GPC5: variants seen among roughly 807,000 people sequenced by gnomAD.
GPC5 encodes the protein glypican 5, also known as glypican-5.
A neutral mutation model predicts 53.9 loss-of-function variants in GPC5; 47 were observed. The ratio of observed to expected loss-of-function variants is 0.87; its 90% CI spans 0.69 to 1.11. The LOEUF is 1.11. GPC5 is among the 50% of genes most tolerant of loss of function. GPC5 has a pLI of 0.00. For synonymous variants in GPC5, 286 were observed against 263.3 expected, an observed-to-expected ratio of 1.09 and a Z score of -0.84; for missense variants, 748 against 713.1, an observed-to-expected ratio of 1.05 and a Z score of -0.56.
intron 5 of GPC5, among the ~76,000 whole-genome samples, chr13:91,867,269 C>G (rs2039095593): frequency 6.6e-6 from 1 of 152,140 alleles, no homozygotes; most frequent in Non-Finnish European, 1.5e-5. Flanking sequence ...TAACTGTTGT[C>G]TAATTTCCCT....
At chr13:91,859,844 G>A (rs1046880991) in intron 5 of GPC5, among the ~76,000 whole-genome samples, 1 of 151,208 alleles carries the variant, frequency 6.6e-6, no homozygotes, top group African/African-American at 2.4e-5. Context: ...TCCAATATAA[G>A]AATTTAAAGT....
At chr13:91,558,068 T>C (rs2138885217) in intron 2 of GPC5, among the ~76,000 whole-genome samples, 1 of 152,220 alleles carries the variant, frequency 6.6e-6, no homozygotes, top group East Asian at 1.9e-4. Flanking sequence ...TTTTAGGCCA[T>C]GAACTGGGTG....
rs954928038 is a variant in GPC5 at position 92,008,224 on chromosome 13, G to A, written c.1401+100167G>A. On this transcript the variant is annotated intron_variant, in intron 6 of 7. Coordinates refer to ENST00000377067, the MANE Select transcript of GPC5 (RefSeq NM_004466.6). ...ACTACAGGCGCCCGCTACCACGCCC[G>A]GCTAATTTTTTGTATTTTTAGTAGA... 1.2e-4 allele frequency among the ~76,000 whole-genome samples: 18 copies of A among 151,926 alleles called. No individual in the cohort carries two copies. The East Asian group carries it at 2.3e-3, about 20-fold the overall frequency.
At chr13:91,971,548 T>G (rs1224410318) in intron 6 of GPC5, among the ~76,000 whole-genome samples, 1 of 152,182 alleles carries the variant, frequency 6.6e-6, no homozygotes, top group African/African-American at 2.4e-5. Flanking sequence ...GTTCTTTTAA[T>G]TGTGATGTTA....
chr13:92,768,113 A>G (rs1875474422), intron 7 of GPC5, among the ~76,000 whole-genome samples: 1 of 152,230 alleles, frequency 6.6e-6, no homozygotes. Flanking sequence ...AAATATAAAT[A>G]GTGAAATGCT....
At chr13:92,829,876 G>C (rs561726511) in intron 7 of GPC5, among the ~76,000 whole-genome samples, 125 of 152,196 alleles carry the variant, frequency 8.2e-4, no homozygotes, top group African/African-American at 3.0e-3. Flanking sequence ...TTGCTAAGCA[G>C]TATAAAAGTA....
At chr13:92,681,786 G>A (rs1887118098) in intron 7 of GPC5, among the ~76,000 whole-genome samples, 2 of 152,204 alleles carry the variant, frequency 1.3e-5, no homozygotes, top group South Asian at 4.1e-4. Context: ...TGCTCACAAT[G>A]TTCCTGCCAT....
chr13:92,685,265 G>A (rs1423798318), intron 7 of GPC5, among the ~76,000 whole-genome samples: 1 of 151,810 alleles, frequency 6.6e-6, no homozygotes, highest in African/African-American at 2.4e-5. Context: ...GCTGATTTTT[G>A]TATTTTTTTA....
At chr13:91,680,869 A>G (rs2139730139) in intron 2 of GPC5, among the ~76,000 whole-genome samples, 1 of 152,292 alleles carries the variant, frequency 6.6e-6, no homozygotes, top group Non-Finnish European at 1.5e-5. Context: ...TAAAACAATG[A>G]TATTCTTCAC....
At chr13:92,151,321 C>A (rs1038424493) in intron 7 of GPC5, among the ~76,000 whole-genome samples, 1 of 152,050 alleles carries the variant, frequency 6.6e-6, no homozygotes, top group Non-Finnish European at 1.5e-5. Flanking sequence ...GAGGGTGGAG[C>A]ATTTCTTACC....
At chr13:92,847,577 A>C (rs1256407236) in intron 7 of GPC5, among the ~76,000 whole-genome samples, 1 of 151,450 alleles carries the variant, frequency 6.6e-6, no homozygotes, top group Non-Finnish European at 1.5e-5. Flanking sequence ...CTAGTTCCTG[A>C]GGCATCCCCA....
chr13:91,756,469 T>C, intron 5 of GPC5, 49 bp downstream of exon 5: 1 of 1,475,848 alleles, frequency 6.8e-7, no homozygotes, highest in South Asian at 1.4e-5. Context: ...ATCCTTGCTT[T>C]CTTTTTCTGA....
At chr13:91,619,236 C>T (rs571199182) in intron 2 of GPC5, among the ~76,000 whole-genome samples, 9 of 152,118 alleles carry the variant, frequency 5.9e-5, no homozygotes, top group African/African-American at 9.6e-5. Flanking sequence ...AGGTTAATTA[C>T]CTTTACTATG....
intron 7 of GPC5, among the ~76,000 whole-genome samples, chr13:92,435,997 T>C (rs1423321166): frequency 2.0e-5 from 3 of 152,192 alleles, no homozygotes; most frequent in African/African-American, 4.8e-5. Flanking sequence ...AATCAGTCTT[T>C]TGTCTTATAA....
intron 2 of GPC5, among the ~76,000 whole-genome samples, chr13:91,534,658 T>C (rs1410090501): frequency 6.6e-6 from 1 of 152,192 alleles, no homozygotes; most frequent in African/African-American, 2.4e-5. Context: ...TACTTTAAAA[T>C]TGGGCATTGG....
intron 7 of GPC5, among the ~76,000 whole-genome samples, chr13:92,572,220 A>T (rs534551196): frequency 3.0e-4 from 45 of 152,208 alleles, no homozygotes; most frequent in Non-Finnish European, 5.7e-4. Flanking sequence ...AGAATTAAAT[A>T]TCTGGTCCGA....
chr13:92,314,746 T>G (rs949191682), intron 7 of GPC5, among the ~76,000 whole-genome samples: 1 of 152,184 alleles, frequency 6.6e-6, no homozygotes. Flanking sequence ...ACTGAGTAAG[T>G]GTCCAGAAGA....
chr13:92,378,331 G>A (rs750909881), intron 7 of GPC5, among the ~76,000 whole-genome samples: 1 of 152,158 alleles, frequency 6.6e-6, no homozygotes, highest in Non-Finnish European at 1.5e-5. Context: ...TTATACAAAG[G>A]AGTCCACTAC....
intron 7 of GPC5, among the ~76,000 whole-genome samples, chr13:92,430,451 G>GA (rs1245975682): frequency 3.9e-5 from 6 of 152,132 alleles, no homozygotes; most frequent in Non-Finnish European, 7.3e-5. Flanking sequence ...CAATCTCAAT[G>GA]AAGTTATTTG....
Sources: allele counts gnomAD v4.1 joint callset (sites outside exome capture counted in the v4.1 genomes callset), GRCh38; gene constraint gnomAD v4.1.1; transcripts MANE v1.5; gene names NCBI Gene and HGNC (gene_info 2026-07-23, HGNC 2026-07-21).